Variants in HHIPL1 observed in about 807,000 individuals in gnomAD.
HHIPL1 encodes the protein HHIP-like protein 1.
In HHIPL1, 43 loss-of-function variants were observed where a neutral mutation model predicts 61.8. The observed-to-expected ratio is 0.70, with a 90% confidence interval of 0.55 to 0.90. HHIPL1 has a LOEUF of 0.90. Among genes scored for constraint, HHIPL1 ranks in the 40% least tolerant of loss-of-function variants. HHIPL1 has a pLI of 0.00. For synonymous variants in HHIPL1, 482 were observed against 515.8 expected (o/e 0.93, Z 0.89); for missense variants, 1,056 against 1,157.7 (o/e 0.91, Z 1.28).
rs1447831383 is a variant in HHIPL1, at chr14:99,652,655, G to A, written c.687G>A (p.Gly229=). ...WAYLPDRSRL[G]KPFLNISRVV... is the part of the protein sequence containing the mutation. ...ACCTGCCCGACCGCTCGAGGCTGGG[G>A]AAGCCTTTCCTGAACATCAGCCGGG... The change falls in exon 2 of 9, where the codon GGG becomes GGA. Residue 229 remains glycine, a synonymous_variant. Coordinates refer to ENST00000330710, the MANE Select transcript of HHIPL1 (RefSeq NM_001127258.3). 3.7e-6 allele frequency: 6 copies of A among 1,613,700 alleles called. No individual in the cohort carries two copies. The highest frequency in any genetic ancestry group is 5.1e-6 in the Non-Finnish European group (6 of 1,179,938).
At chr14:99,627,958 G>A in the HHIPL1 span, among the ~76,000 whole-genome samples, 1 of 152,190 alleles carries the variant, frequency 6.6e-6, no homozygotes, top group Admixed American at 6.5e-5. This position sits in a 1 kb window ranked among gnomAD's most constrained non-coding sequence, Gnocchi z 4.4. Flanking sequence ...ATCTGCACCT[G>A]ATTCTTTAGG....
At chr14:99,609,843 A>G in the HHIPL1 span, among the ~76,000 whole-genome samples, 1 of 152,228 alleles carries the variant, frequency 6.6e-6, no homozygotes, top group Admixed American at 6.5e-5. Flanking sequence ...TGTTGACAAA[A>G]AGCCTCAAGT....
the HHIPL1 span, chr14:99,625,268 A>G: frequency 6.6e-6 from 1 of 152,216 alleles, no homozygotes; most frequent in South Asian, 2.1e-4. Flanking sequence ...CCATCTGCAG[A>G]GGAGGAAGCT....
the HHIPL1 span, among the ~76,000 whole-genome samples, chr14:99,607,252 C>G: frequency 7.7e-3 from 1,174 of 152,132 alleles, 14 homozygotes; most frequent in African/African-American, 0.027. Context: ...GTTTCCCAGG[C>G]TGGTCTCAAA....
the HHIPL1 span, among the ~76,000 whole-genome samples, chr14:99,628,058 G>A: frequency 6.6e-6 from 1 of 152,144 alleles, no homozygotes; most frequent in East Asian, 1.9e-4. Context: ...AGGCCATGAG[G>A]GACTGCTGTG....
At chr14:99,617,384 A>C in the HHIPL1 span, among the ~76,000 whole-genome samples, 11 of 152,200 alleles carry the variant, frequency 7.2e-5, no homozygotes, top group Non-Finnish European at 1.3e-4. Flanking sequence ...CTGAAGCCTC[A>C]TCTGTCACCA....
upstream of HHIPL1, among the ~76,000 whole-genome samples, chr14:99,643,348 T>G (rs2055777818): frequency 1.3e-5 from 2 of 152,230 alleles, no homozygotes; most frequent in Admixed American, 6.5e-5. Flanking sequence ...CTCCTGACTG[T>G]GACTTTTCTT....
chr14:99,637,560 A>G, the HHIPL1 span, among the ~76,000 whole-genome samples: 8 of 152,038 alleles, frequency 5.3e-5, no homozygotes, highest in African/African-American at 1.9e-4. Context: ...CAATAGAGCA[A>G]GACTCCGTCT....
rs1001812954 is a variant in HHIPL1 at position 99,668,694 on chromosome 14, G to C, written c.1730+391G>C. On this transcript the variant is annotated intron_variant, in intron 7 of 8. Transcript: ENST00000330710. The surrounding 1 kb of genome is among the most constrained non-coding windows in gnomAD (Gnocchi z 4.7). Reference sequence around the variant, plus strand: ...ACACCCCAGCCCCCAATTTGCCTCTGTGATGCCTCCCAGATGACACCCTGA... The same window carrying C: ...ACACCCCAGCCCCCAATTTGCCTCTCTGATGCCTCCCAGATGACACCCTGA... 3.7e-6 allele frequency: 2 copies of C among 538,800 alleles called. No homozygotes were observed. Among genetic ancestry groups the C allele is most frequent in the Admixed American group, 5.8e-5 (2 of 34,216 alleles). The allele number at this position is 538,800 out of a possible 1,614,324, so 33.4% of individuals were successfully genotyped here.
At chr14:99,667,142 G>T (rs1011330773) in intron 6 of HHIPL1, among the ~76,000 whole-genome samples, 2 of 152,108 alleles carry the variant, frequency 1.3e-5, no homozygotes, top group African/African-American at 4.8e-5. Flanking sequence ...CAAGGACAGA[G>T]GTATTAGCAT....
At chr14:99,672,098 G>A (rs528303515) in intron 7 of HHIPL1, among the ~76,000 whole-genome samples, 26 of 152,248 alleles carry the variant, frequency 1.7e-4, no homozygotes, top group East Asian at 5.8e-4. Flanking sequence ...GAGGCTGAGC[G>A]TGCAGCCGGT....
the HHIPL1 span, among the ~76,000 whole-genome samples, chr14:99,605,416 A>G: frequency 6.6e-6 from 1 of 150,564 alleles, no homozygotes; most frequent in Admixed American, 6.6e-5. Context: ...CGGAACCTGC[A>G]ACGAGATCAA....
At chr14:99,674,771 T>C (rs2140097611) in intron 8 of HHIPL1, among the ~76,000 whole-genome samples, 1 of 152,258 alleles carries the variant, frequency 6.6e-6, no homozygotes, top group East Asian at 1.9e-4. Flanking sequence ...ACCTAGGGAC[T>C]CCTGGGAAGG....
chr14:99,667,482 A>G (rs1380315468), intron 6 of HHIPL1, among the ~76,000 whole-genome samples: 2 of 152,100 alleles, frequency 1.3e-5, no homozygotes, highest in East Asian at 3.9e-4. Context: ...CAGAACTCCA[A>G]CGGTTACATT....
At chr14:99,628,309 G>A in the HHIPL1 span, among the ~76,000 whole-genome samples, 14 of 152,246 alleles carry the variant, frequency 9.2e-5, no homozygotes, top group African/African-American at 3.4e-4. Flanking sequence ...GCCGGGGGCG[G>A]TGGCTCACGC....
the HHIPL1 span, among the ~76,000 whole-genome samples, chr14:99,611,603 T>TTTTTTTTG: frequency 6.9e-6 from 1 of 145,636 alleles, no homozygotes; most frequent in African/African-American, 2.6e-5. Flanking sequence ...TTTTTTTTTT[T>TTTTTTTTG]TTTAAAGAAA....
At position 99,645,207 on chromosome 14, in the gene HHIPL1, G is replaced by A; in HGVS notation, c.-1G>A. Reference sequence around the variant, plus strand: ...CGCCTCTTCCCCCGCGGGGCGTAGCGATGGCCCGGGCCAGGGCCGGGGCGC... The same window carrying A: ...CGCCTCTTCCCCCGCGGGGCGTAGCAATGGCCCGGGCCAGGGCCGGGGCGC... On this transcript the variant is annotated 5_prime_UTR_variant, in exon 1 of 9. Coordinates refer to ENST00000330710, the MANE Select transcript of HHIPL1 (RefSeq NM_001127258.3). The A allele has an allele frequency of 2.3e-6, 3 of 1,282,836 alleles. No homozygotes were observed. Among genetic ancestry groups the A allele is most frequent in the African/African-American group, 3.1e-5 (2 of 64,476 alleles). The allele number at this position is 1,282,836 out of a possible 1,614,324, so 79.5% of individuals were successfully genotyped here. A position where few individuals can be genotyped will look rare whatever the true frequency, so the allele number is the denominator to read the frequency against.
the HHIPL1 span, among the ~76,000 whole-genome samples, chr14:99,605,957 C>T: frequency 2.0e-5 from 3 of 151,984 alleles, no homozygotes; most frequent in African/African-American, 7.3e-5. Flanking sequence ...TGTATGATTC[C>T]AAGACAGCTG....
rs148206009 is a variant in HHIPL1, at chr14:99,652,407, C to T, written c.439C>T (p.Arg147Cys). The T allele has an allele frequency of 5.6e-6, 9 of 1,614,104 alleles. No homozygotes were observed. The African/African-American group carries it at 8.0e-5, about 14-fold the overall frequency. ...ALEGNLARFCRYLSLDDTDYC... is the reference protein window; with the variant it reads ...ALEGNLARFCCYLSLDDTDYC... ...GGAGGGCAACCTTGCCAGGTTCTGCCGCTACCTGTCCCTGGATGACACGGA... is the reference window on the plus strand; with the variant it reads ...GGAGGGCAACCTTGCCAGGTTCTGCTGCTACCTGTCCCTGGATGACACGGA... The change falls in exon 2 of 9, where the codon CGC becomes TGC. Residue 147 changes from arginine (R) to cysteine (C), a missense_variant. By Grantham distance (180) the Arg-to-Cys change is radical. Transcript: ENST00000330710.
Sources: gnomAD v4.1 joint callset for allele counts (sites outside exome capture counted in the v4.1 genomes callset) on GRCh38, gnomAD v4.1.1 for gene constraint, Gnocchi (gnomAD v3.1) non-coding constraint, MANE v1.5 for transcripts, NCBI Gene and HGNC (gene_info 2026-07-23, HGNC 2026-07-21) for gene names.